OGG1: variants seen among roughly 807,000 people sequenced by gnomAD.
OGG1 encodes 8-oxoguanine DNA glycosylase.
OGG1 carries 35 observed loss-of-function variants against 42.3 expected under a neutral mutation model. The ratio of observed to expected loss-of-function variants is 0.83; its 90% CI spans 0.63 to 1.10. The LOEUF (loss-of-function observed/expected upper bound fraction) is 1.10. Among genes scored for constraint, OGG1 ranks in the 50% least tolerant of loss-of-function variants. The pLI is 0.00. For synonymous variants in OGG1, 189 were observed against 179.0 expected (o/e 1.06, Z -0.44); for missense variants, 484 against 446.7 (o/e 1.08, Z -0.75).
At chr3:9,753,701 G>C (rs1331159610) in intron 3 of OGG1, among the ~76,000 whole-genome samples, 1 of 152,022 alleles carries the variant, frequency 6.6e-6, no homozygotes, top group Non-Finnish European at 1.5e-5. Flanking sequence ...TCCTGGCTTA[G>C]TTAGTCATAA....
downstream of OGG1, chr3:9,760,898 C>G (rs930142466): frequency 3.0e-6 from 4 of 1,345,950 alleles, no homozygotes; most frequent in Non-Finnish European, 2.0e-6. Flanking sequence ...CTCTACCAGC[C>G]CTGCCTGCTC....
At chr3:9,760,666 G>C (rs531632583), downstream of OGG1, 1 of 1,613,982 alleles carries the variant, frequency 6.2e-7, no homozygotes, top group South Asian at 1.1e-5. Flanking sequence ...CAGAGTCAGA[G>C]ATGTCGTCCC....
intron 3 of OGG1, among the ~76,000 whole-genome samples, chr3:9,786,539 G>A (rs2078616696): frequency 6.6e-6 from 1 of 152,208 alleles, no homozygotes; most frequent in African/African-American, 2.4e-5. Context: ...CCTGGTGTGT[G>A]AGACCTCAAG....
chr3:9,777,014 C>T (rs2078373775), intron 2 of OGG1, among the ~76,000 whole-genome samples: 2 of 152,198 alleles, frequency 1.3e-5, no homozygotes, highest in South Asian at 4.1e-4. Context: ...CCACAAAGCT[C>T]CTGCCATCAC....
intron 7 of OGG1, among the ~76,000 whole-genome samples, chr3:9,763,743 T>C (rs2078004767): frequency 2.0e-5 from 3 of 152,190 alleles, no homozygotes. Context: ...CCCAGCACTT[T>C]GGGAGGCCAA....
At chr3:9,751,667 G>T in intron 2 of OGG1, 103 bp from the exon 3 acceptor site, 1 of 1,049,896 alleles carries the variant, frequency 9.5e-7, no homozygotes, top group Non-Finnish European at 1.5e-6. Flanking sequence ...CATTCTCCTG[G>T]GATCCTCCTG....
intron 4 of OGG1, 77 bp from the exon 5 acceptor site, chr3:9,756,394 C>A (rs543816845): frequency 6.8e-7 from 1 of 1,475,988 alleles, no homozygotes. Flanking sequence ...AGAAAGCAGC[C>A]GGCTTTGGGG....
chr3:9,780,995 G>A (rs2078446780), intron 2 of OGG1, among the ~76,000 whole-genome samples: 1 of 152,040 alleles, frequency 6.6e-6, no homozygotes, highest in Non-Finnish European at 1.5e-5. Context: ...AAAATTAGCT[G>A]GGTGTGGTAG....
chr3:9,777,594 A>G (rs544634886), intron 2 of OGG1, among the ~76,000 whole-genome samples: 2 of 152,282 alleles, frequency 1.3e-5, no homozygotes, highest in Non-Finnish European at 2.9e-5. Flanking sequence ...GGCAGATAGT[A>G]GGTATGCAAC....
chr3:9,785,568 C>A, intron 3 of OGG1: 1 of 595,332 alleles, frequency 1.7e-6, no homozygotes. Flanking sequence ...CTTCCCATAC[C>A]AATCCCAAAT....
intron 2 of OGG1, among the ~76,000 whole-genome samples, chr3:9,779,699 T>C (rs1001815116): frequency 6.6e-6 from 1 of 152,128 alleles, no homozygotes; most frequent in Non-Finnish European, 1.5e-5. Flanking sequence ...AATTGCTAGA[T>C]TGGCTAACCG....
chr3:9,750,331 T>C lies in OGG1; in HGVS notation c.45T>C (p.Thr15=), dbSNP rs144091991. ...TGCCCAGGCGCATGGGGCATCGTAC[T>C]CTAGCCTCCACTCCTGCCCTGTGGG... ...ALLPRRMGHR[T]LASTPALWAS... is the part of the protein sequence containing the mutation. The change falls in exon 1 of 7, where the codon ACT becomes ACC. Residue 15 remains threonine, a synonymous_variant. Transcript: ENST00000344629. The C allele has an allele frequency of 8.7e-6, 14 of 1,613,840 alleles. No homozygotes were observed. In the African/African-American group the frequency reaches 1.5e-4, roughly 17 times the overall value.
At chr3:9,759,251 C>T (rs2077732920), downstream of OGG1, 3 of 1,614,122 alleles carry the variant, frequency 1.9e-6, no homozygotes, top group East Asian at 6.7e-5. Context: ...CAGATGCCTC[C>T]TGAAGAATTA....
Position 9,754,691 on chromosome 3 carries a change from T to C in OGG1, c.566-13T>C, listed in dbSNP as rs2077454689. On this transcript the variant is annotated splice_polypyrimidine_tract_variant and intron_variant, in intron 3 of 6. Transcript: ENST00000344629. Reference sequence around the variant, plus strand: ...AGATGCCTGATGCTTGCCCTCCTCCTCACTCCCCGCAGGGCCAGAGGTGGA... The same window carrying C: ...AGATGCCTGATGCTTGCCCTCCTCCCCACTCCCCGCAGGGCCAGAGGTGGA... 6.2e-7 allele frequency: 1 copy of C among 1,613,626 alleles called. No individual in the cohort carries two copies. Among genetic ancestry groups the C allele is most frequent in the East Asian group, 2.2e-5 (1 of 44,878 alleles).
chr3:9,753,442 G>T (rs1284664593), intron 3 of OGG1, among the ~76,000 whole-genome samples: 1 of 151,770 alleles, frequency 6.6e-6, no homozygotes, highest in East Asian at 1.9e-4. Flanking sequence ...CACGAGGTCA[G>T]GAGATCAAGA....
chr3:9,789,861 G>A, downstream of OGG1: 1 of 1,614,244 alleles, frequency 6.2e-7, no homozygotes, highest in Non-Finnish European at 8.5e-7. Flanking sequence ...TCCAGTTTCT[G>A]CTTCTTGGGC....
intron 2 of OGG1, 65 bp from the exon 3 acceptor site, chr3:9,751,705 T>G (rs2077308226): frequency 4.7e-6 from 7 of 1,485,684 alleles, no homozygotes; most frequent in Non-Finnish European, 6.6e-6. Flanking sequence ...ATCTGACCTG[T>G]GGGTGGGAAG....
chr3:9,784,334 G>C, intron 3 of OGG1: 1 of 1,309,882 alleles, frequency 7.6e-7, no homozygotes, highest in Non-Finnish European at 1.0e-6. Flanking sequence ...CACCCCCTCT[G>C]TATCTATCCA....
At chr3:9,785,167 G>A (rs781135006) in intron 3 of OGG1, 7 of 591,192 alleles carry the variant, frequency 1.2e-5, no homozygotes, top group African/African-American at 3.7e-5. Context: ...ATGCAGACAC[G>A]CTGGGTCATC....
Sources: gnomAD v4.1 joint callset for allele counts (sites outside exome capture counted in the v4.1 genomes callset) on GRCh38, gnomAD v4.1.1 for gene constraint, MANE v1.5 for transcripts, NCBI Gene and HGNC (gene_info 2026-07-23, HGNC 2026-07-21) for gene names.